Variants in ENTPD6 observed in about 807,000 individuals in gnomAD.
ENTPD6 encodes the protein ectonucleoside triphosphate diphosphohydrolase 6.
A neutral mutation model predicts 61.5 loss-of-function variants in ENTPD6; 46 were observed. The ratio of observed to expected loss-of-function variants is 0.75; its 90% CI spans 0.59 to 0.96. ENTPD6 has a LOEUF of 0.96. Among genes scored for constraint, ENTPD6 ranks in the 40% least tolerant of loss-of-function variants. ENTPD6 has a pLI of 0.00. For missense variants in ENTPD6, 612 were observed against 629.0 expected (o/e 0.97, Z 0.29); for synonymous variants, 252 against 255.5 (o/e 0.99, Z 0.13).
chr20:25,212,661 A>G (rs2092049083), intron 4 of ENTPD6, among the ~76,000 whole-genome samples: 1 of 152,122 alleles, frequency 6.6e-6, no homozygotes, highest in Admixed American at 6.5e-5. Flanking sequence ...CAAGACCAAC[A>G]TGGGTAACAC....
intron 1 of ENTPD6, chr20:25,196,969 C>T (rs2090500096): frequency 2.5e-6 from 1 of 401,482 alleles, no homozygotes; most frequent in Admixed American, 6.4e-5. Flanking sequence ...CCTCCCACCG[C>T]CTCCTGTGTA....
chr20:25,216,461 C>G (rs374137607), intron 7 of ENTPD6, among the ~76,000 whole-genome samples, 187 bp from the exon 8 acceptor site: 2 of 152,184 alleles, frequency 1.3e-5, no homozygotes, highest in East Asian at 3.8e-4. Context: ...CAAATTAAAC[C>G]ACAGCTGGTG....
chr20:25,216,308 C>T (rs555414154), intron 7 of ENTPD6, among the ~76,000 whole-genome samples: 5 of 152,260 alleles, frequency 3.3e-5, no homozygotes, highest in African/African-American at 1.2e-4. Flanking sequence ...TGGGAGCCTC[C>T]GCCTGAGATG....
rs112287117 is a variant in ENTPD6 at position 25,225,633 on chromosome 20, G to A, written c.*36G>A. The A allele has an allele frequency of 1.6e-5, 25 of 1,559,982 alleles. No homozygotes were observed. The African/African-American group carries it at 1.8e-4, about 11-fold the overall frequency. ...ATCCCTGTCCCCGTCAGCAGTGTCT[G>A]TGTGTCTGCATAAACCCTCCTGTCC... On this transcript the variant is annotated 3_prime_UTR_variant, in exon 15 of 15. Transcript: ENST00000376652.
rs370825278 is a variant in ENTPD6, at chr20:25,227,803, G to A, written c.*2206G>A. Among the ~76,000 whole-genome samples, 73 of 152,370 alleles carry A rather than the reference G, an allele frequency of 4.8e-4. No individual in the cohort carries two copies. Among genetic ancestry groups the A allele is most frequent in the African/African-American group, 1.4e-3 (60 of 41,588 alleles). On this transcript the variant is annotated 3_prime_UTR_variant, in exon 15 of 15. Transcript: ENST00000376652. ...GAGTTTCAGGGCATAAGCAGACGTT[G>A]CCACGTTGCCTTCAATCCTACTGGA... is the stretch of plus-strand genomic sequence containing the variant.
intron 13 of ENTPD6, 96 bp from the exon 14 acceptor site, chr20:25,225,109 C>T (rs1373660842): frequency 1.5e-5 from 23 of 1,504,632 alleles, no homozygotes; most frequent in East Asian, 7.4e-5. Context: ...GCGGAGCCAG[C>T]GGGTGCCTGT....
chr20:25,196,184 G>GT (rs2090381163), intron 1 of ENTPD6: 1 of 1,200,900 alleles, frequency 8.3e-7, no homozygotes, highest in Non-Finnish European at 1.0e-6. Context: ...CCCAGTCTGC[G>GT]TCAGGGACAG....
intron 4 of ENTPD6, among the ~76,000 whole-genome samples, chr20:25,211,767 A>G (rs1172639323): frequency 6.6e-6 from 1 of 152,194 alleles, no homozygotes. Flanking sequence ...CCTGACACAT[A>G]CTTCATTACC....
chr20:25,218,578 C>A lies in ENTPD6; in HGVS notation c.907C>A (p.Arg303Ser). 1 of 1,608,442 alleles carries A rather than the reference C, an allele frequency of 6.2e-7. No homozygotes were observed. The highest frequency in any genetic ancestry group is 8.5e-7 in the Non-Finnish European group (1 of 1,179,022). The change falls in exon 10 of 15, where the codon CGC becomes AGC. Residue 303 changes from arginine (R) to serine (S), a missense_variant. Transcript: ENST00000376652. ...CCTCGGGCTCGGGCTGATGTCGGCA[C>A]GCCTGGCGATCCTGGGCGGCGTGGA... The part of the protein sequence containing the change: ...SYLGLGLMSA[R>S]LAILGGVEGQ...
chr20:25,213,702 T>C (rs957862515), intron 5 of ENTPD6, among the ~76,000 whole-genome samples: 3 of 152,152 alleles, frequency 2.0e-5, no homozygotes, highest in African/African-American at 7.2e-5. Context: ...GTACTCCCAG[T>C]AATCTGGGAG....
chr20:25,227,393 G>C lies in ENTPD6; in HGVS notation c.*1796G>C, dbSNP rs1461368779. The stretch of plus-strand genomic sequence containing the variant: ...ATGAAGGTAAAGCCAAAATCAATTT[G>C]GTCCATTTAAAGAAGGTCGGTGACC... On this transcript the variant is annotated 3_prime_UTR_variant, in exon 15 of 15. Transcript: ENST00000376652. 6.6e-6 allele frequency among the ~76,000 whole-genome samples: 1 copy of C among 152,190 alleles called. No individual in the cohort carries two copies. Among genetic ancestry groups the C allele is most frequent in the Admixed American group, 6.5e-5 (1 of 15,278 alleles).
intron 11 of ENTPD6, chr20:25,222,108 A>T (rs2092655042): frequency 6.5e-6 from 1 of 153,402 alleles, no homozygotes; most frequent in African/African-American, 2.4e-5. Flanking sequence ...GCAGATCTGA[A>T]GCAGCAGCAC....
In ENTPD6 at chr20:25,195,744, G is replaced by A; in HGVS notation, c.-139G>A. On this transcript the variant is annotated 5_prime_UTR_variant, in exon 1 of 15. Coordinates refer to ENST00000376652, the MANE Select transcript of ENTPD6 (RefSeq NM_001247.5). ...CCAGGCCCTAGGGAATCGTGGGGTC[G>A]TATCCCGCGGGTGGAGGCCGGGGTG... 2.6e-6 allele frequency: 2 copies of A among 781,158 alleles called. No homozygotes were observed. The highest frequency in any genetic ancestry group is 3.5e-6 in the Non-Finnish European group (2 of 569,640). The allele number at this position is 781,158 out of a possible 1,614,324, so 48.4% of individuals were successfully genotyped here. A position where few individuals can be genotyped will look rare whatever the true frequency, so the allele number is the denominator to read the frequency against.
intron 10 of ENTPD6, among the ~76,000 whole-genome samples, chr20:25,220,555 G>A (rs532659163): frequency 6.6e-6 from 1 of 152,236 alleles, no homozygotes; most frequent in Non-Finnish European, 1.5e-5. Flanking sequence ...CTGGGCGGCT[G>A]TCTAGACCTG....
In ENTPD6 at chr20:25,216,734, G is replaced by A. The variant is rs1412037912; in HGVS notation, c.796G>A (p.Glu266Lys). 1 of 1,590,896 alleles carries A rather than the reference G, an allele frequency of 6.3e-7. No homozygotes were observed. The highest frequency in any genetic ancestry group is 1.8e-5 in the Admixed American group (1 of 56,972). Residue 266 changes from glutamate to lysine, a missense_variant and splice_region_variant, in exon 8 of 15, where the codon GAG becomes AAG. Physicochemically the swap from Glu to Lys is moderately conservative, Grantham distance 56. Coordinates refer to ENST00000376652, the MANE Select transcript of ENTPD6 (RefSeq NM_001247.5). ...STQIAFLPRV[E>K]GTLQASPPGY... Reference sequence around the variant, plus strand: ...TCAGATCGCCTTCCTGCCACGCGTGGAGGTAACAAGCCCTGCCGACCACAG... The same window carrying A: ...TCAGATCGCCTTCCTGCCACGCGTGAAGGTAACAAGCCCTGCCGACCACAG...
chr20:25,203,008 T>G (rs1288468332), intron 1 of ENTPD6, among the ~76,000 whole-genome samples: 1 of 152,252 alleles, frequency 6.6e-6, no homozygotes, highest in Non-Finnish European at 1.5e-5. Flanking sequence ...GTGTCTTAAT[T>G]TCTCCCTCAT....
At chr20:25,221,495 G>C (rs1489109946) in intron 11 of ENTPD6, 162 bp downstream of exon 11, 1 of 703,434 alleles carries the variant, frequency 1.4e-6, no homozygotes, top group African/African-American at 1.7e-5. Flanking sequence ...TGGCTGCAGG[G>C]GCCTGTGTCT....
At chr20:25,218,811 A>T (rs1052719037) in intron 10 of ENTPD6, among the ~76,000 whole-genome samples, 197 bp downstream of exon 10, 1 of 152,204 alleles carries the variant, frequency 6.6e-6, no homozygotes, top group Admixed American at 6.5e-5. Flanking sequence ...TGTGCTGCAG[A>T]TCTTGTTGGT....
intron 1 of ENTPD6, 94 bp from the exon 2 acceptor site, chr20:25,206,427 AC>A: frequency 1.0e-6 from 1 of 967,878 alleles, no homozygotes; most frequent in Non-Finnish European, 1.6e-6. Flanking sequence ...GGTATATCGA[AC>A]CAAAAACAAT....
Sources: allele counts gnomAD v4.1 joint callset (sites outside exome capture counted in the v4.1 genomes callset), GRCh38; gene constraint gnomAD v4.1.1; transcripts MANE v1.5; gene names NCBI Gene and HGNC (gene_info 2026-07-23, HGNC 2026-07-21).